ZNF484: variants seen among roughly 807,000 people sequenced by gnomAD.
ZNF484 encodes the protein zinc finger protein 484.
ZNF484 carries 11 observed loss-of-function variants against 12.9 expected under a neutral mutation model. The observed-to-expected ratio is 0.85, with a 90% CI of 0.54 to 1.41. The LOEUF (loss-of-function observed/expected upper bound fraction) is 1.41, where lower values mean the gene tolerates loss of function less well. ZNF484 is among the 40% of genes most tolerant of loss of function. The pLI is 0.00. For synonymous variants in ZNF484, 289 were observed against 334.1 expected (o/e 0.86, Z 1.47); for missense variants, 807 against 1,007.7 (o/e 0.80, Z 2.70).
chr9:92,874,523 G>T (rs1857674423), intron 2 of ZNF484, among the ~76,000 whole-genome samples: 1 of 151,946 alleles, frequency 6.6e-6, no homozygotes, highest in African/African-American at 2.4e-5. Flanking sequence ...TGTTGGCCAG[G>T]TTGGTCTGGA....
In ZNF484 at chr9:92,846,361, A is replaced by G. The variant is rs1459874401; in HGVS notation, c.2426T>C (p.Leu809Ser). The change falls in exon 5 of 5, where the codon TTG (leucine) becomes TCG (serine). Residue 809 changes from leucine (L) to serine (S), a missense_variant. Transcript: ENST00000375495. The part of the protein sequence containing the change: ...TKQKPYKCSD[L>S]GKALNWKPQL... ...TGGCTTCCAGTTTAAGGCTTTCCCC[A>G]AGTCACTGCACTTATAGGGTTTCTG... is the stretch of plus-strand genomic sequence containing the variant. The G allele has an allele frequency of 6.2e-7, 1 of 1,614,144 alleles. No homozygotes were observed. The highest frequency in any genetic ancestry group is 8.5e-7 in the Non-Finnish European group (1 of 1,180,008).
chr9:92,857,832 C>T (rs1856553879), intron 2 of ZNF484, among the ~76,000 whole-genome samples: 3 of 152,106 alleles, frequency 2.0e-5, no homozygotes, highest in Non-Finnish European at 4.4e-5. Context: ...ACAAACACGA[C>T]TCACTGCAGC....
At chr9:92,875,565 A>G (rs533430382) in intron 1 of ZNF484, among the ~76,000 whole-genome samples, 1 of 152,306 alleles carries the variant, frequency 6.6e-6, no homozygotes, top group South Asian at 2.1e-4. Context: ...AGAGTCTTCA[A>G]TTCCTCTACC....
intron 4 of ZNF484, among the ~76,000 whole-genome samples, chr9:92,851,693 C>T (rs538512478): frequency 1.3e-5 from 2 of 152,358 alleles, no homozygotes; most frequent in Admixed American, 1.3e-4. Context: ...TCACTGCAGT[C>T]TATTTTATCA....
At chr9:92,871,554 A>C (rs1857435674) in intron 2 of ZNF484, among the ~76,000 whole-genome samples, 1 of 152,224 alleles carries the variant, frequency 6.6e-6, no homozygotes, top group Non-Finnish European at 1.5e-5. Flanking sequence ...AAACTTCCCG[A>C]AAGATATACA....
intron 2 of ZNF484, among the ~76,000 whole-genome samples, chr9:92,867,557 A>G (rs1364442314): frequency 6.6e-6 from 1 of 152,192 alleles, no homozygotes; most frequent in Non-Finnish European, 1.5e-5. Context: ...GCAGCAAACC[A>G]CCATGGCACG....
chr9:92,875,780 A>T (rs1338211673), intron 1 of ZNF484, among the ~76,000 whole-genome samples: 1 of 152,202 alleles, frequency 6.6e-6, no homozygotes, highest in Non-Finnish European at 1.5e-5. Context: ...ATACACAAAC[A>T]GGAACTCAAT....
At chr9:92,872,682 C>G (rs1285602825) in intron 2 of ZNF484, among the ~76,000 whole-genome samples, 3 of 151,918 alleles carry the variant, frequency 2.0e-5, no homozygotes, top group African/African-American at 7.3e-5. Context: ...CAGATTCTTT[C>G]TTACAGCCTG....
In ZNF484 at chr9:92,848,081, G is replaced by C; in HGVS notation, c.706C>G (p.Gln236Glu). 6.2e-7 allele frequency: 1 copy of C among 1,614,220 alleles called. No homozygotes were observed. The highest frequency in any genetic ancestry group is 8.5e-7 in the Non-Finnish European group (1 of 1,180,036). The change falls in exon 5 of 5, where the codon CAA (glutamine) becomes GAA (glutamate). Residue 236 changes from glutamine (Q) to glutamate (E), a missense_variant. Gln to Glu is a conservative substitution (Grantham distance 29, BLOSUM62 2). Coordinates refer to ENST00000375495, the MANE Select transcript of ZNF484 (RefSeq NM_031486.4). This position sits in a 1 kb window ranked among gnomAD's most constrained non-coding sequence, Gnocchi z 4.1. ...NQCGKPLHHK[Q>E]ALIQQQKIHT... ...ATTTTCTGTTGTTGAATGAGAGCTT[G>C]CTTATGATGCAGAGGTTTCCCACAT...
At chr9:92,864,659 C>A (rs2118102829) in intron 2 of ZNF484, among the ~76,000 whole-genome samples, 1 of 152,084 alleles carries the variant, frequency 6.6e-6, no homozygotes, top group Middle Eastern at 3.4e-3. Context: ...CACGTAATAG[C>A]AAAAAGATCA....
chr9:92,865,161 T>A (rs1856998312), intron 2 of ZNF484, among the ~76,000 whole-genome samples: 1 of 152,194 alleles, frequency 6.6e-6, no homozygotes, highest in Non-Finnish European at 1.5e-5. Flanking sequence ...AACAACAGGC[T>A]GGGTGCAGTG....
In ZNF484 at chr9:92,848,002, G is replaced by C; in HGVS notation, c.785C>G (p.Pro262Arg). The change falls in exon 5 of 5, where the codon CCG becomes CGG. Residue 262 changes from proline (P) to arginine (R), a missense_variant. By Grantham distance (103) the Pro-to-Arg change is moderately radical (BLOSUM62 -2). Coordinates refer to ENST00000375495, the MANE Select transcript of ZNF484 (RefSeq NM_031486.4). The surrounding 1 kb of genome is among the most constrained non-coding windows in gnomAD (Gnocchi z 4.1). ...LFSDYVNVFS[P>R]KSHAFAHESI... ...CTCATGTGCAAAGGCATGTGACTTC[G>C]GGGAGAAAACATTTACGTAGTCAGA... The C allele has an allele frequency of 6.2e-7, 1 of 1,614,120 alleles. No homozygotes were observed. Among genetic ancestry groups the C allele is most frequent in the South Asian group, 1.1e-5 (1 of 91,078 alleles).
chr9:92,877,865 C>T (rs1408435539), intron 1 of ZNF484, 25 bp downstream of exon 1: 1 of 1,535,826 alleles, frequency 6.5e-7, no homozygotes, highest in East Asian at 2.4e-5. Flanking sequence ...GCTCAGTCCA[C>T]AGATGCTGCC....
Position 92,848,134 on chromosome 9 carries a change from G to A in ZNF484, c.653C>T (p.Thr218Ile), listed in dbSNP as rs779275284. The A allele has an allele frequency of 6.2e-7, 1 of 1,614,156 alleles. No individual in the cohort carries two copies. The highest frequency in any genetic ancestry group is 2.2e-5 in the East Asian group (1 of 44,884). Residue 218 changes from threonine (T) to isoleucine (I), a missense_variant, in exon 5 of 5, where the codon ACA becomes ATA. Transcript: ENST00000375495. The surrounding 1 kb of genome is among the most constrained non-coding windows in gnomAD (Gnocchi z 4.1). ...GDIFTHLNSH[T>I]EVTACECNQC... ...GTTACATTCACAAGCAGTCACTTCTGTATGAGAATTCAAATGAGTGAAAAT... is the reference window on the plus strand; with the variant it reads ...GTTACATTCACAAGCAGTCACTTCTATATGAGAATTCAAATGAGTGAAAAT...
intron 2 of ZNF484, among the ~76,000 whole-genome samples, 182 bp from the exon 3 acceptor site, chr9:92,856,500 A>C (rs979168783): frequency 6.6e-6 from 1 of 152,218 alleles, no homozygotes; most frequent in Non-Finnish European, 1.5e-5. Flanking sequence ...CGAACAAAAT[A>C]ATTTTAAAAA....
rs376239532 is a variant in ZNF484 at position 92,856,235 on chromosome 9, G to A, written c.99C>T (p.Tyr33=). ...QQLDLAQKSL[Y]REVMLENYFN... is the part of the protein sequence containing the mutation. ...AATAGTTTTCCAGCATCACTTCTCT[G>A]TACAGGCTTTTCTGAGCAAGGTCTA... Residue 33 remains tyrosine (Y), a synonymous_variant, in exon 3 of 5, where the codon TAC becomes TAT. Coordinates refer to ENST00000375495, the MANE Select transcript of ZNF484 (RefSeq NM_031486.4). The A allele has an allele frequency of 7.8e-5, 126 of 1,613,526 alleles. No homozygotes were observed. The highest frequency in any genetic ancestry group is 1.1e-4 in the Non-Finnish European group (125 of 1,179,952).
chr9:92,869,780 T>A (rs1361092455), intron 2 of ZNF484, among the ~76,000 whole-genome samples: 1 of 152,302 alleles, frequency 6.6e-6, no homozygotes, highest in East Asian at 1.9e-4. Context: ...CTAAACTGAG[T>A]TCAAAGTGAT....
chr9:92,870,437 C>CA (rs1199770758), intron 2 of ZNF484, among the ~76,000 whole-genome samples: 7 of 152,346 alleles, frequency 4.6e-5, no homozygotes, highest in East Asian at 1.9e-4. Flanking sequence ...CTCTCATCAG[C>CA]AAAGACTCAG....
chr9:92,876,019 G>A (rs1021760845), intron 1 of ZNF484, among the ~76,000 whole-genome samples: 4 of 150,368 alleles, frequency 2.7e-5, no homozygotes, highest in African/African-American at 9.9e-5. Context: ...AGCACTTGCA[G>A]AGTATCTCTA....
Sources: allele counts gnomAD v4.1 joint callset (sites outside exome capture counted in the v4.1 genomes callset), GRCh38; gene constraint gnomAD v4.1.1; non-coding constraint Gnocchi (gnomAD v3.1); transcripts MANE v1.5; gene names NCBI Gene and HGNC (gene_info 2026-07-23, HGNC 2026-07-21).